Variants in MACF1 observed in about 807,000 individuals in gnomAD.
The protein encoded by MACF1 is microtubule-actin cross-linking factor 1.
MACF1 carries 193 observed loss-of-function variants against 854.8 expected under a neutral mutation model. The observed-to-expected ratio is 0.23, with a 90% CI of 0.20 to 0.25. MACF1 has a LOEUF of 0.25. Ranked by LOEUF, MACF1 falls within the 10% of genes least tolerant of loss-of-function variation. MACF1 has a pLI of 1.00. For synonymous variants in MACF1, 3,185 were observed against 3,226.7 expected, an observed-to-expected ratio of 0.99 and a Z score of 0.44; for missense variants, 7,722 against 8,929.1, an observed-to-expected ratio of 0.86 and a Z score of 5.45.
chr1:39,234,655 A>G (rs1184264700), intron 2 of MACF1, among the ~76,000 whole-genome samples: 97 of 39,878 alleles, frequency 2.4e-3, no homozygotes, highest in Non-Finnish European at 3.1e-3. Context: ...TGACCCCCCC[A>G]CCTCCCTCCC....
chr1:39,380,825 T>C (rs991504577), intron 55 of MACF1, among the ~76,000 whole-genome samples: 4 of 152,098 alleles, frequency 2.6e-5, no homozygotes, highest in African/African-American at 9.7e-5. Flanking sequence ...GGCGAGACGA[T>C]TGCTTGAGCC....
chr1:39,143,659 C>A (rs1190373031), intron 2 of MACF1, among the ~76,000 whole-genome samples: 1 of 152,072 alleles, frequency 6.6e-6, no homozygotes, highest in Non-Finnish European at 1.5e-5. Flanking sequence ...TTACATCTTA[C>A]CACTGGGGGA....
chr1:39,269,920 TG>T (rs1265892311), intron 6 of MACF1, among the ~76,000 whole-genome samples: 1 of 152,214 alleles, frequency 6.6e-6, no homozygotes, highest in Non-Finnish European at 1.5e-5. Context: ...GACTTGTCTC[TG>T]GGGAATCCCT....
chr1:39,401,627 G>T (rs1642480175), intron 58 of MACF1, among the ~76,000 whole-genome samples: 1 of 152,160 alleles, frequency 6.6e-6, no homozygotes, highest in African/African-American at 2.4e-5. Flanking sequence ...ATTTGGTCAT[G>T]TGTATATATG....
intron 40 of MACF1, among the ~76,000 whole-genome samples, chr1:39,345,353 G>T (rs1166467339): frequency 6.6e-6 from 1 of 152,220 alleles, no homozygotes; most frequent in Non-Finnish European, 1.5e-5. Context: ...GCTCATGCCT[G>T]TAATCCCAGC....
chr1:39,427,673 A>T, intron 62 of MACF1, 59 bp downstream of exon 62: 1 of 1,529,642 alleles, frequency 6.5e-7, no homozygotes, highest in Non-Finnish European at 8.9e-7. Context: ...CCTAGAAATG[A>T]GTAAACTGCC....
At chr1:39,253,434 C>G (rs972184246) in intron 4 of MACF1, among the ~76,000 whole-genome samples, 1 of 151,840 alleles carries the variant, frequency 6.6e-6, no homozygotes, top group African/African-American at 2.4e-5. Context: ...TTTTGCCTCC[C>G]ATTTTGGATT....
Position 39,332,770 on chromosome 1 carries a change from A to G in MACF1, c.6182A>G (p.Lys2061Arg). Residue 2061 changes from lysine to arginine, a missense_variant, in exon 37 of 101, where the codon AAA (lysine) becomes AGA (arginine). Coordinates refer to ENST00000564288, the MANE Select transcript of MACF1 (RefSeq NM_001394062.1). ...YPDREDCTTE[K>R]GKKTTVETED... ...GATCGGGAAGATTGCACTACAGAAAAAGGCAAAAAGACCACTGTAGAAACA... is the reference window on the plus strand; with the variant it reads ...GATCGGGAAGATTGCACTACAGAAAGAGGCAAAAAGACCACTGTAGAAACA... 1 of 1,614,198 alleles carries G rather than the reference A, an allele frequency of 6.2e-7. No individual in the cohort carries two copies. The highest frequency in any genetic ancestry group is 8.5e-7 in the Non-Finnish European group (1 of 1,180,036).
At chr1:39,363,334 TCCATCCCATTTTCA>T (rs1648370339) in intron 49 of MACF1, among the ~76,000 whole-genome samples, 1 of 152,198 alleles carries the variant, frequency 6.6e-6, no homozygotes, top group Admixed American at 6.5e-5. Flanking sequence ...TCCTGTCTCT[TCCATCCCATTTTCA>T]CCCATCCCCA....
Position 39,439,362 on chromosome 1 carries a change from C to T in MACF1, c.18309C>T (p.Val6103=), listed in dbSNP as rs200132996. ...AACGAGAAATCAAATTTCTTGATGT[C>T]CTTGAATTAGCAGAGAAGTTCTGGT... ...AEEREIKFLD[V]LELAEKFWYD... Residue 6103 remains valine, a synonymous_variant, in exon 72 of 101, where the codon GTC becomes GTT. Coordinates refer to ENST00000564288, the MANE Select transcript of MACF1 (RefSeq NM_001394062.1). 6.2e-7 allele frequency: 1 copy of T among 1,613,996 alleles called. No homozygotes were observed. The highest frequency in any genetic ancestry group is 1.7e-5 in the Admixed American group (1 of 59,998).
At position 39,448,774 on chromosome 1, in the gene MACF1, A is replaced by G. The variant is rs1472441932; in HGVS notation, c.20258+11A>G. 1.9e-6 allele frequency: 3 copies of G among 1,600,688 alleles called. No individual in the cohort carries two copies. The highest frequency in any genetic ancestry group is 2.6e-6 in the Non-Finnish European group (3 of 1,172,404). On this transcript the variant is annotated intron_variant, in intron 84 of 100. Transcript: ENST00000564288. ...CAAGTCTGTGGAGCGGTGAGCATGA[A>G]TGTCCCCTTCAGGGGTCTAACCGGG...
At chr1:39,448,491 C>A in intron 83 of MACF1, 103 bp from the exon 84 acceptor site, 1 of 944,890 alleles carries the variant, frequency 1.1e-6, no homozygotes, top group Non-Finnish European at 1.5e-6. Flanking sequence ...TGGTGATATT[C>A]ATACTTTATT....
intron 67 of MACF1, 85 bp from the exon 68 acceptor site, chr1:39,432,963 G>A: frequency 1.2e-6 from 1 of 828,466 alleles, no homozygotes; most frequent in Admixed American, 2.9e-5. Flanking sequence ...TTTTTGATGT[G>A]GCTTTTTCAT....
intron 26 of MACF1, among the ~76,000 whole-genome samples, chr1:39,311,983 G>A (rs1646309954): frequency 1.3e-5 from 2 of 152,128 alleles, no homozygotes; most frequent in Admixed American, 6.6e-5. Flanking sequence ...TGGAGAGGGA[G>A]GTAATATGAG....
At chr1:39,121,372 TGGGGG>T (rs1439152860) in intron 2 of MACF1, among the ~76,000 whole-genome samples, 1 of 151,990 alleles carries the variant, frequency 6.6e-6, no homozygotes, top group Non-Finnish European at 1.5e-5. Context: ...TGAAAAGGGG[TGGGGG>T]AAGCAAAAGG....
At chr1:39,367,280 A>T (rs1648803015) in intron 49 of MACF1, among the ~76,000 whole-genome samples, 1 of 151,964 alleles carries the variant, frequency 6.6e-6, no homozygotes, top group African/African-American at 2.4e-5. Flanking sequence ...CTACAAATAC[A>T]GTTTTATCTC....
intron 97 of MACF1, among the ~76,000 whole-genome samples, chr1:39,478,685 C>T (rs1438762675): frequency 6.6e-6 from 1 of 152,208 alleles, no homozygotes; most frequent in Non-Finnish European, 1.5e-5. Flanking sequence ...TCCTCAAATT[C>T]CTTAAGGGAC....
chr1:39,228,840 G>A lies in MACF1; in HGVS notation c.110-2342G>A, dbSNP rs1644746773. Among the ~76,000 whole-genome samples the A allele has an allele frequency of 2.6e-5, 4 of 152,082 alleles. No individual in the cohort carries two copies. In the South Asian group the frequency reaches 8.3e-4, roughly 32 times the overall value. ...AGCTAATTTTTGTATTTTTAGTAGA[G>A]ACGGGGTTTCACCATGTTGGTCAGG... On this transcript the variant is annotated intron_variant, in intron 1 of 100. Transcript: ENST00000564288.
At position 39,409,437 on chromosome 1, in the gene MACF1, GC is replaced by G. The variant is rs1008832552; in HGVS notation, c.15817-12934del. 1.3e-5 allele frequency: 2 copies of G among 152,236 alleles called. No individual in the cohort carries two copies. The highest frequency in any genetic ancestry group is 2.9e-5 in the Non-Finnish European group (2 of 68,142). 9.4% of individuals were successfully genotyped at this position (152,236 alleles called of 1,614,324 possible). On this transcript the variant is annotated intron_variant, in intron 58 of 100. Coordinates refer to ENST00000564288, the MANE Select transcript of MACF1 (RefSeq NM_001394062.1). This position sits in a 1 kb window ranked among gnomAD's most constrained non-coding sequence, Gnocchi z 4.2. ...TGCAGCCTGCGGTGAGGCGACCCTG[GC>G]CCTCGGGGCGCGCGGCATGGCGCGG...
Sources: gnomAD v4.1 joint callset for allele counts (sites outside exome capture counted in the v4.1 genomes callset) on GRCh38, gnomAD v4.1.1 for gene constraint, Gnocchi (gnomAD v3.1) non-coding constraint, MANE v1.5 for transcripts, NCBI Gene and HGNC (gene_info 2026-07-23, HGNC 2026-07-21) for gene names.